Variants in SLC9A2 observed in about 807,000 individuals in gnomAD.
SLC9A2 encodes sodium/hydrogen exchanger 2.
In SLC9A2, 42 loss-of-function variants were observed where a neutral mutation model predicts 71.7. That is an observed-to-expected ratio of 0.59 (90% CI 0.46 to 0.76). The LOEUF (loss-of-function observed/expected upper bound fraction) is 0.76. Ranked by LOEUF, SLC9A2 falls within the 30% of genes least tolerant of loss-of-function variation. SLC9A2 has a pLI of 0.00. For missense variants in SLC9A2, 829 were observed against 1,017.4 expected (o/e 0.81, Z 2.52); for synonymous variants, 396 against 392.5 (o/e 1.01, Z -0.10).
Position 102,676,995 on chromosome 2 carries a change from C to A in SLC9A2, c.1005-6266C>A, listed in dbSNP as rs529448100. Reference sequence around the variant, plus strand: ...AAGAATTTTGCTTAATTGGTTAATTCTACACAGTTCAGATTGTAGATAAAG... The same window carrying A: ...AAGAATTTTGCTTAATTGGTTAATTATACACAGTTCAGATTGTAGATAAAG... On this transcript the variant is annotated intron_variant, in intron 3 of 11. Transcript: ENST00000233969. Among the ~76,000 whole-genome samples the A allele has an allele frequency of 2.0e-5, 3 of 152,272 alleles. No individual in the cohort carries two copies. In the South Asian group the frequency reaches 6.2e-4, roughly 32 times the overall value.
At chr2:102,620,896 C>T (rs912431312) in intron 1 of SLC9A2, among the ~76,000 whole-genome samples, 8 of 151,946 alleles carry the variant, frequency 5.3e-5, no homozygotes, top group South Asian at 2.1e-4. Flanking sequence ...ATTGGCCGGG[C>T]GAGGTGATTC....
intron 3 of SLC9A2, among the ~76,000 whole-genome samples, chr2:102,665,773 T>TAA (rs11426516): frequency 0.096 from 3,700 of 38,614 alleles, 717 homozygotes; most frequent in East Asian, 0.2. Flanking sequence ...GACTCTGTCT[T>TAA]AAAAAAAAAA....
At chr2:102,662,989 G>A (rs899287241) in intron 2 of SLC9A2, among the ~76,000 whole-genome samples, 9 of 152,132 alleles carry the variant, frequency 5.9e-5, no homozygotes, top group African/African-American at 1.2e-4. Context: ...TGGGAAACCC[G>A]CCTCTCCTCT....
In SLC9A2 at chr2:102,619,933, G is replaced by C. The variant is rs769141616; in HGVS notation, c.85G>C (p.Val29Leu). 4 of 1,606,250 alleles carry C rather than the reference G, an allele frequency of 2.5e-6. No homozygotes were observed. The highest frequency in any genetic ancestry group is 3.4e-6 in the Non-Finnish European group (4 of 1,176,010). ...LLLLLQVAGP[V>L]GALAETLLNA... ...GCTGCTCCTGCAGGTGGCGGGGCCC[G>C]TGGGCGCCCTGGCGGAGACCTTGCT... Residue 29 changes from valine to leucine, a missense_variant, in exon 1 of 12, where the codon GTG becomes CTG. Physicochemically the swap from Val to Leu is conservative, Grantham distance 32. This residue lies in a region of SLC9A2 where 106 missense variants were observed against 93.5 expected (regional missense o/e 1.13). Coordinates refer to ENST00000233969, the MANE Select transcript of SLC9A2 (RefSeq NM_003048.6). This position sits in a 1 kb window ranked among gnomAD's most constrained non-coding sequence, Gnocchi z 4.3.
chr2:102,671,180 A>G (rs1677245087), intron 3 of SLC9A2, among the ~76,000 whole-genome samples: 1 of 152,138 alleles, frequency 6.6e-6, no homozygotes, highest in Admixed American at 6.5e-5. Context: ...AATCAAGACT[A>G]GAGTCTTAGA....
intron 1 of SLC9A2, among the ~76,000 whole-genome samples, 155 bp downstream of exon 1, chr2:102,620,292 G>A (rs1032604618): frequency 1.3e-5 from 2 of 152,200 alleles, no homozygotes; most frequent in Admixed American, 6.5e-5. Flanking sequence ...GGTTGAAAAG[G>A]ACCCTTGGAA....
chr2:102,629,954 A>G (rs1224273887), intron 1 of SLC9A2, among the ~76,000 whole-genome samples: 1 of 152,148 alleles, frequency 6.6e-6, no homozygotes, highest in Non-Finnish European at 1.5e-5. Context: ...AAGTGTTACA[A>G]TAATTTCATG....
chr2:102,682,724 A>G (rs1352105985), intron 3 of SLC9A2, among the ~76,000 whole-genome samples: 1 of 152,216 alleles, frequency 6.6e-6, no homozygotes, highest in Non-Finnish European at 1.5e-5. Flanking sequence ...AGTGGGTCTA[A>G]GAGATATTCA....
intron 1 of SLC9A2, among the ~76,000 whole-genome samples, chr2:102,646,401 G>T (rs1676724277): frequency 6.6e-6 from 1 of 152,104 alleles, no homozygotes; most frequent in South Asian, 2.1e-4. Context: ...CAACTAATGT[G>T]CAAAATAAAC....
At chr2:102,700,937 A>G (rs1677861788) in intron 7 of SLC9A2, 133 bp from the exon 8 acceptor site, 5 of 628,166 alleles carry the variant, frequency 8.0e-6, no homozygotes, top group Non-Finnish European at 1.1e-5. Context: ...TAAATATATA[A>G]AATGACCAGA....
intron 1 of SLC9A2, among the ~76,000 whole-genome samples, chr2:102,630,599 T>G (rs903596186): frequency 6.6e-6 from 1 of 152,048 alleles, no homozygotes; most frequent in Non-Finnish European, 1.5e-5. Context: ...TCTTTCACGT[T>G]TTTCGTCTCT....
intron 5 of SLC9A2, among the ~76,000 whole-genome samples, chr2:102,685,329 G>A (rs963024248): frequency 6.6e-6 from 1 of 152,198 alleles, no homozygotes; most frequent in Non-Finnish European, 1.5e-5. Flanking sequence ...ACATCATGCA[G>A]GGCCATGCAG....
rs1573439486 is a variant in SLC9A2, at chr2:102,708,484, C to A, written c.2434C>A (p.Pro812Thr). 1.9e-6 allele frequency: 3 copies of A among 1,613,072 alleles called. No individual in the cohort carries two copies. In the East Asian group the frequency reaches 6.7e-5, roughly 36 times the overall value. The change falls in exon 12 of 12, where the codon CCT (proline) becomes ACT (threonine). Residue 812 changes from proline (P) to threonine (T), a missense_variant. Transcript: ENST00000233969. ...GAAAGCCCGATTTGGGAGTGAGAAG[C>A]CTTAAGAGAAGCAGCGAAAGCAGAT... is the stretch of plus-strand genomic sequence containing the variant. The part of the protein sequence containing the change: ...SRKARFGSEK[P>T]
At chr2:102,646,919 T>A (rs969743246) in intron 1 of SLC9A2, among the ~76,000 whole-genome samples, 7 of 151,740 alleles carry the variant, frequency 4.6e-5, no homozygotes, top group African/African-American at 1.7e-4. Flanking sequence ...GACAGAAAAT[T>A]AACAAGGATA....
intron 3 of SLC9A2, among the ~76,000 whole-genome samples, chr2:102,670,595 C>G (rs1408114229): frequency 2.4e-5 from 3 of 123,052 alleles, no homozygotes; most frequent in African/African-American, 1.0e-4. Flanking sequence ...TCCCCTCCCC[C>G]CACCAAAAAA....
chr2:102,652,840 A>G (rs771923446), intron 1 of SLC9A2, among the ~76,000 whole-genome samples: 3 of 152,188 alleles, frequency 2.0e-5, no homozygotes, highest in African/African-American at 4.8e-5. Context: ...AATAACTGAT[A>G]TATTTCTTGA....
intron 8 of SLC9A2, 120 bp from the exon 9 acceptor site, chr2:102,702,286 T>A (rs1677886628): frequency 8.4e-6 from 5 of 595,488 alleles, no homozygotes; most frequent in Non-Finnish European, 1.5e-5. Context: ...TATTGAATAA[T>A]CCCTAAGTGC....
intron 1 of SLC9A2, among the ~76,000 whole-genome samples, chr2:102,641,651 G>A (rs1194758951): frequency 6.6e-6 from 1 of 152,030 alleles, no homozygotes; most frequent in Non-Finnish European, 1.5e-5. Context: ...CAAGCATGCT[G>A]TGTGTAATCA....
At chr2:102,683,185 G>T in intron 3 of SLC9A2, 76 bp from the exon 4 acceptor site, 1 of 957,010 alleles carries the variant, frequency 1.0e-6, no homozygotes, top group Non-Finnish European at 1.7e-6. Flanking sequence ...CCATAATTTA[G>T]CTCTTAAGTG....
Sources: gnomAD v4.1 joint callset for allele counts (sites outside exome capture counted in the v4.1 genomes callset) on GRCh38, gnomAD v4.1.1 for gene constraint, gnomAD v4.1.1 regional missense constraint, Gnocchi (gnomAD v3.1) non-coding constraint, MANE v1.5 for transcripts, NCBI Gene and HGNC (gene_info 2026-07-23, HGNC 2026-07-21) for gene names.